Variants in SNTG1 observed in about 807,000 individuals in gnomAD.
SNTG1 encodes gamma-1-syntrophin.
A neutral mutation model predicts 74.7 loss-of-function variants in SNTG1; 39 were observed. The ratio of observed to expected loss-of-function variants is 0.52; its 90% confidence interval spans 0.40 to 0.68. The LOEUF is 0.68. Ranked by LOEUF, SNTG1 falls within the 30% of genes least tolerant of loss-of-function variation. SNTG1 has a pLI of 0.00. For missense variants in SNTG1, 685 were observed against 609.5 expected, an observed-to-expected ratio of 1.12 and a Z score of -1.30; for synonymous variants, 254 against 217.1, an observed-to-expected ratio of 1.17 and a Z score of -1.49.
chr8:49,920,527 AG>A (rs1168992621), intron 1 of SNTG1, among the ~76,000 whole-genome samples: 2 of 152,082 alleles, frequency 1.3e-5, no homozygotes, highest in South Asian at 2.1e-4. Context: ...GACTTGCTTT[AG>A]ATTGCAGTAA....
chr8:50,174,467 G>T (rs565254946), intron 2 of SNTG1, among the ~76,000 whole-genome samples: 1 of 152,110 alleles, frequency 6.6e-6, no homozygotes, highest in Non-Finnish European at 1.5e-5. Flanking sequence ...GTGTAAAAGC[G>T]TTAAACAGTT....
chr8:50,019,776 A>G (rs12541061), intron 1 of SNTG1, among the ~76,000 whole-genome samples: 123,365 of 151,932 alleles, frequency 0.81, 50,254 homozygotes, highest in East Asian at 0.95. Flanking sequence ...TATGAGATTG[A>G]AATACAATTG....
At chr8:50,697,109 A>G (rs1448762726) in intron 15 of SNTG1, among the ~76,000 whole-genome samples, 3 of 152,044 alleles carry the variant, frequency 2.0e-5, no homozygotes, top group Non-Finnish European at 4.4e-5. Context: ...TGTGTCAACT[A>G]TAATTTCTTT....
chr8:49,982,363 GGCCCATCT>G (rs973794464), intron 1 of SNTG1, among the ~76,000 whole-genome samples: 1 of 151,648 alleles, frequency 6.6e-6, no homozygotes, highest in African/African-American at 2.4e-5. Flanking sequence ...TGGCATTTTG[GGCCCATCT>G]GCTCCTTGGT....
chr8:50,603,781 A>G (rs4617166), intron 13 of SNTG1, among the ~76,000 whole-genome samples: 34,205 of 152,020 alleles, frequency 0.23, 8,728 homozygotes, highest in African/African-American at 0.63. Context: ...TGGTTTTCAG[A>G]AAGACATTTT....
At chr8:50,130,763 A>G (rs527601902) in intron 1 of SNTG1, among the ~76,000 whole-genome samples, 1 of 152,258 alleles carries the variant, frequency 6.6e-6, no homozygotes, top group South Asian at 2.1e-4. Flanking sequence ...GCAAAAAATT[A>G]TTAAACATTT....
chr8:50,114,406 A>G (rs920603666), intron 1 of SNTG1, among the ~76,000 whole-genome samples: 5 of 152,210 alleles, frequency 3.3e-5, no homozygotes, highest in Non-Finnish European at 7.3e-5. Context: ...ACATTGTGCT[A>G]AATGAAATAA....
intron 4 of SNTG1, among the ~76,000 whole-genome samples, chr8:50,436,338 T>C (rs529742343): frequency 1.3e-5 from 2 of 152,158 alleles, no homozygotes; most frequent in South Asian, 4.1e-4. Flanking sequence ...ATAGTCACGA[T>C]TTAATTCACC....
chr8:50,220,832 C>G (rs539080531), intron 2 of SNTG1, among the ~76,000 whole-genome samples: 84 of 152,192 alleles, frequency 5.5e-4, no homozygotes, highest in Admixed American at 1.3e-3. Flanking sequence ...ATGATCCTAC[C>G]ATCATTCTCT....
chr8:50,318,130 C>T lies in SNTG1; in HGVS notation c.-27-76082C>T, dbSNP rs186587228. 3.3e-5 allele frequency among the ~76,000 whole-genome samples: 5 copies of T among 152,082 alleles called. No homozygotes were observed. In the East Asian group the frequency reaches 5.8e-4, roughly 18 times the overall value. ...GGATTACAGGCGTGAGCCACCGAGCCCAGCCACTTATTGTCTGAGTTGTAA... is the reference window on the plus strand; with the variant it reads ...GGATTACAGGCGTGAGCCACCGAGCTCAGCCACTTATTGTCTGAGTTGTAA... On this transcript the variant is annotated intron_variant, in intron 2 of 18. Coordinates refer to ENST00000642720, the MANE Select transcript of SNTG1 (RefSeq NM_018967.5).
At chr8:50,780,754 T>C (rs886711800) in intron 18 of SNTG1, among the ~76,000 whole-genome samples, 3 of 152,212 alleles carry the variant, frequency 2.0e-5, no homozygotes, top group African/African-American at 7.2e-5. Flanking sequence ...ATCTTTTGAA[T>C]GTGTTTGCTC....
chr8:50,754,330 G>C (rs1454349176), intron 18 of SNTG1, among the ~76,000 whole-genome samples: 2 of 151,908 alleles, frequency 1.3e-5, no homozygotes, highest in South Asian at 2.1e-4. Flanking sequence ...ATGTATAAAA[G>C]ATCCAGTTTC....
At chr8:50,603,053 TTCTC>T (rs1244503876) in intron 13 of SNTG1, among the ~76,000 whole-genome samples, 1 of 152,166 alleles carries the variant, frequency 6.6e-6, no homozygotes, top group Non-Finnish European at 1.5e-5. Context: ...AATGTTATCT[TTCTC>T]TATGTTTTGG....
At position 50,313,495 on chromosome 8, in the gene SNTG1, T is replaced by A. The variant is rs541426080; in HGVS notation, c.-27-80717T>A. 3.9e-4 allele frequency among the ~76,000 whole-genome samples: 58 copies of A among 149,598 alleles called. 5 individuals are homozygous for A. The South Asian group carries it at 9.1e-3, about 24-fold the overall frequency. On this transcript the variant is annotated intron_variant, in intron 2 of 18. Coordinates refer to ENST00000642720, the MANE Select transcript of SNTG1 (RefSeq NM_018967.5). The stretch of plus-strand genomic sequence containing the variant: ...ACAATCCTGTGAAAAAATGGGCAAA[T>A]GATCTGAGTAGACATATCTAAAAAG...
chr8:50,165,465 T>G (rs2082579726), intron 1 of SNTG1, among the ~76,000 whole-genome samples: 1 of 152,234 alleles, frequency 6.6e-6, no homozygotes, highest in Admixed American at 6.5e-5. Context: ...ATGTTTGCTG[T>G]AGAGTTTGTT....
chr8:49,937,467 C>T (rs1390519241), intron 1 of SNTG1, among the ~76,000 whole-genome samples: 1 of 152,192 alleles, frequency 6.6e-6, no homozygotes, highest in Non-Finnish European at 1.5e-5. Context: ...AAAGCTGTTA[C>T]AAAATTAATT....
chr8:49,948,035 G>A (rs949678516), intron 1 of SNTG1, among the ~76,000 whole-genome samples: 4 of 152,066 alleles, frequency 2.6e-5, no homozygotes, highest in Non-Finnish European at 5.9e-5. Flanking sequence ...GGAAACTGAG[G>A]CAGGAGACTT....
intron 11 of SNTG1, among the ~76,000 whole-genome samples, chr8:50,544,937 C>A (rs552296479): frequency 6.4e-4 from 97 of 152,044 alleles, no homozygotes; most frequent in Non-Finnish European, 1.1e-3. Context: ...ATGAATAATA[C>A]ACTATTGCAT....
intron 1 of SNTG1, among the ~76,000 whole-genome samples, chr8:49,925,064 A>T (rs2129348094): frequency 6.6e-6 from 1 of 152,096 alleles, no homozygotes; most frequent in South Asian, 2.1e-4. Context: ...GAGGCAGGAG[A>T]ATTGCTTGAG....
Sources: gnomAD v4.1 joint callset for allele counts (sites outside exome capture counted in the v4.1 genomes callset) on GRCh38, gnomAD v4.1.1 for gene constraint, MANE v1.5 for transcripts, NCBI Gene and HGNC (gene_info 2026-07-23, HGNC 2026-07-21) for gene names.